The following RNF24 variants were observed in gnomAD, a reference collection of about 807,000 sequenced individuals.
The protein encoded by RNF24 is ring finger protein 24.
Under a neutral mutation model 20.0 loss-of-function variants are expected in RNF24, and 14 were observed. That is an observed-to-expected ratio of 0.70 (90% CI 0.46 to 1.10). The LOEUF (loss-of-function observed/expected upper bound fraction) is 1.10, where lower values mean the gene tolerates loss of function less well. Ranked by LOEUF, RNF24 falls within the 50% of genes least tolerant of loss-of-function variation. The pLI is 0.00. For synonymous variants in RNF24, 45 were observed against 61.1 expected, an observed-to-expected ratio of 0.74 and a Z score of 1.23; for missense variants, 124 against 177.6, an observed-to-expected ratio of 0.70 and a Z score of 1.71.
intron 1 of RNF24, among the ~76,000 whole-genome samples, chr20:4,002,900 G>C (rs1307595579): frequency 6.6e-6 from 1 of 152,168 alleles, no homozygotes; most frequent in Admixed American, 6.5e-5. Context: ...AATTGAAATA[G>C]AGAAAATGAA....
At chr20:3,997,409 T>A (rs1568662232) in intron 1 of RNF24, among the ~76,000 whole-genome samples, 1 of 151,970 alleles carries the variant, frequency 6.6e-6, no homozygotes, top group Admixed American at 6.6e-5. Context: ...GGATTCTAAT[T>A]CTAGGTCAGA....
In RNF24 at chr20:3,932,096, A is replaced by G. The variant is rs2090831290; in HGVS notation, c.*1967T>C. The G allele has an allele frequency of 6.6e-6, 1 of 152,232 alleles. No homozygotes were observed. The highest frequency in any genetic ancestry group is 6.5e-5 in the Admixed American group (1 of 15,288). 9.4% of individuals were successfully genotyped at this position (152,232 alleles called of 1,614,324 possible). A position where few individuals can be genotyped will look rare whatever the true frequency, so the allele number is the denominator to read the frequency against. On this transcript the variant is annotated 3_prime_UTR_variant, in exon 6 of 6. Transcript: ENST00000358395. The stretch of plus-strand genomic sequence containing the variant: ...ACATTCTCTTTCCTATTAGAGCCCC[A>G]TAACAGAGGTGACATCTGTCCCAAG...
At chr20:3,948,376 T>C (rs2091045043) in intron 2 of RNF24, 97 bp from the exon 3 acceptor site, 1 of 795,054 alleles carries the variant, frequency 1.3e-6, no homozygotes, top group Non-Finnish European at 2.0e-6. Context: ...ATTTATAACA[T>C]TTATGGCTCA....
intron 1 of RNF24, among the ~76,000 whole-genome samples, chr20:3,994,575 T>C (rs1359836505): frequency 6.6e-6 from 1 of 152,192 alleles, no homozygotes. Flanking sequence ...TACATAGTGA[T>C]CTCCTTTTCT....
chr20:3,969,916 G>T (rs567805459), intron 1 of RNF24, among the ~76,000 whole-genome samples: 5 of 151,764 alleles, frequency 3.3e-5, no homozygotes, highest in African/African-American at 4.8e-5. Flanking sequence ...GACTACAGGC[G>T]CCCACCACCA....
In RNF24 at chr20:3,953,298, C is replaced by A. The variant is rs182750901; in HGVS notation, c.144-5019G>T. ...TCCCGAGTAGCTGGGACTACAGACA[C>A]CCGCCACCACGCCCGGCTAATTTTT... On this transcript the variant is annotated intron_variant, in intron 2 of 5. Coordinates refer to ENST00000358395, the MANE Select transcript of RNF24 (RefSeq NM_001134337.3). 6.5e-3 allele frequency among the ~76,000 whole-genome samples: 984 copies of A among 151,850 alleles called. 9 individuals carry two copies. Among genetic ancestry groups the A allele is most frequent in the Middle Eastern group, 0.02 (6 of 294 alleles).
intron 1 of RNF24, among the ~76,000 whole-genome samples, chr20:3,981,226 G>C (rs1653003343): frequency 6.6e-6 from 1 of 152,038 alleles, no homozygotes. Flanking sequence ...AGTGTATTTG[G>C]CTGATTCAAT....
chr20:4,010,649 C>T (rs2122168050), intron 1 of RNF24, among the ~76,000 whole-genome samples: 1 of 152,286 alleles, frequency 6.6e-6, no homozygotes, highest in Admixed American at 6.5e-5. Context: ...TTAAAAGAAA[C>T]TCTCTCTGAT....
intron 1 of RNF24, among the ~76,000 whole-genome samples, chr20:3,998,157 G>A (rs1981040074): frequency 6.6e-6 from 1 of 152,174 alleles, no homozygotes; most frequent in East Asian, 1.9e-4. Flanking sequence ...AATAAAAAAT[G>A]TGGCCAGGCG....
chr20:4,010,808 G>A (rs1249218630), intron 1 of RNF24, among the ~76,000 whole-genome samples: 1 of 152,188 alleles, frequency 6.6e-6, no homozygotes, highest in East Asian at 1.9e-4. Context: ...TGGCCTGATG[G>A]CGCTGGGCAC....
intron 2 of RNF24, among the ~76,000 whole-genome samples, chr20:3,956,845 TAAAG>T (rs902492807): frequency 2.0e-5 from 3 of 152,184 alleles, no homozygotes; most frequent in African/African-American, 7.2e-5. Context: ...CATTTTCACA[TAAAG>T]AAACTATTTT....
intron 1 of RNF24, among the ~76,000 whole-genome samples, chr20:3,964,702 T>A (rs1321006785): frequency 6.6e-6 from 1 of 152,064 alleles, no homozygotes; most frequent in Non-Finnish European, 1.5e-5. Context: ...TTTAAAAATT[T>A]TTTTGTAGAG....
chr20:4,014,053 G>C, intron 1 of RNF24, among the ~76,000 whole-genome samples: 1 of 152,340 alleles, frequency 6.6e-6, no homozygotes, highest in East Asian at 1.9e-4. Context: ...CAGTCTGACA[G>C]AGTCAACGTT....
chr20:3,930,410 A>G lies in RNF24; in HGVS notation c.*3653T>C, dbSNP rs2090806025. The G allele has an allele frequency of 6.6e-6, 1 of 152,192 alleles. No individual in the cohort carries two copies. Among genetic ancestry groups the G allele is most frequent in the Non-Finnish European group, 1.5e-5 (1 of 68,070 alleles). 9.4% of individuals were successfully genotyped at this position (152,192 alleles called of 1,614,324 possible). A position where few individuals can be genotyped will look rare whatever the true frequency, so the allele number is the denominator to read the frequency against. On this transcript the variant is annotated 3_prime_UTR_variant, in exon 6 of 6. Coordinates refer to ENST00000358395, the MANE Select transcript of RNF24 (RefSeq NM_001134337.3). Reference sequence around the variant, plus strand: ...GAGCCCATGTAACCCAGATGATGTTATGTGGTATCAGCAGCCCCCATGACA... The same window carrying G: ...GAGCCCATGTAACCCAGATGATGTTGTGTGGTATCAGCAGCCCCCATGACA...
chr20:3,950,311 C>G (rs1230216684), intron 2 of RNF24, among the ~76,000 whole-genome samples: 1 of 152,062 alleles, frequency 6.6e-6, no homozygotes, highest in African/African-American at 2.4e-5. Flanking sequence ...TGACTGCTAT[C>G]CTTATAAGAA....
chr20:3,944,209 C>CAAAAAAAAAAAAA (rs58334745), intron 4 of RNF24, among the ~76,000 whole-genome samples: 2 of 109,906 alleles, frequency 1.8e-5, no homozygotes, highest in Non-Finnish European at 2.0e-5. Flanking sequence ...GACCCCGTCT[C>CAAAAAAAAAAAAA]AAAAAAAAAA....
chr20:3,978,735 G>A (rs1385186370), intron 1 of RNF24, among the ~76,000 whole-genome samples: 2 of 152,106 alleles, frequency 1.3e-5, no homozygotes, highest in East Asian at 3.8e-4. Context: ...GAACAATGAT[G>A]TTTTATAGTG....
chr20:4,011,850 T>G (rs1982484758), intron 1 of RNF24, among the ~76,000 whole-genome samples: 1 of 152,214 alleles, frequency 6.6e-6, no homozygotes, highest in South Asian at 2.1e-4. Context: ...GTGAGACAGT[T>G]AAGTCTTCAA....
intron 2 of RNF24, among the ~76,000 whole-genome samples, chr20:3,950,280 A>G (rs1351820940): frequency 1.3e-5 from 2 of 152,232 alleles, no homozygotes; most frequent in East Asian, 3.8e-4. Context: ...TATTGGATTA[A>G]GATGAGCCCT....
Sources: gnomAD v4.1 joint callset for allele counts (sites outside exome capture counted in the v4.1 genomes callset) on GRCh38, gnomAD v4.1.1 for gene constraint, MANE v1.5 for transcripts, NCBI Gene and HGNC (gene_info 2026-07-23, HGNC 2026-07-21) for gene names.